Variants in SFT2D2 observed in about 807,000 individuals in gnomAD.
The protein encoded by SFT2D2 is SFT2 domain containing 2.
Under a neutral mutation model 27.4 loss-of-function variants are expected in SFT2D2, and 21 were observed. The ratio of observed to expected loss-of-function variants is 0.77; its 90% CI spans 0.54 to 1.10. The LOEUF (loss-of-function observed/expected upper bound fraction) is 1.10, where lower values mean the gene tolerates loss of function less well. Ranked by LOEUF, SFT2D2 falls within the 50% of genes least tolerant of loss-of-function variation. The pLI, the probability that SFT2D2 is intolerant of heterozygous loss-of-function variation, is 0.00. For missense variants in SFT2D2, 187 were observed against 194.2 expected (o/e 0.96, Z 0.22); for synonymous variants, 72 against 71.7 (o/e 1.00, Z -0.02).
At chr1:168,233,116 G>A (rs2102329511) in intron 3 of SFT2D2, among the ~76,000 whole-genome samples, 1 of 152,274 alleles carries the variant, frequency 6.6e-6, no homozygotes, top group Non-Finnish European at 1.5e-5. Flanking sequence ...TGGCTTCACC[G>A]TTGTCCCATT....
rs1303291555 is a variant in SFT2D2 at position 168,249,390 on chromosome 1, C to T, written c.*6850C>T. On this transcript the variant is annotated 3_prime_UTR_variant, in exon 8 of 8. Transcript: ENST00000271375. ...AACTGGGACTACAGGCATGTGCCACCACACCCGGCTAATTTTTGTATTTTT... is the reference window on the plus strand; with the variant it reads ...AACTGGGACTACAGGCATGTGCCACTACACCCGGCTAATTTTTGTATTTTT... 1 of 152,246 alleles carries T rather than the reference C, an allele frequency of 6.6e-6. No homozygotes were observed. Among genetic ancestry groups the T allele is most frequent in the African/African-American group, 2.4e-5 (1 of 41,436 alleles). 9.4% of individuals were successfully genotyped at this position (152,246 alleles called of 1,614,324 possible).
At position 168,247,004 on chromosome 1, in the gene SFT2D2, A is replaced by G; in HGVS notation, c.*4464A>G. ...TATGCAACAGGTCTTCTTCTTTTTC[A>G]TGACTATCAGAAATCTCAAACTGCA... is the stretch of plus-strand genomic sequence containing the variant. On this transcript the variant is annotated 3_prime_UTR_variant, in exon 8 of 8. Transcript: ENST00000271375. 1.9e-6 allele frequency: 1 copy of G among 528,530 alleles called. No individual in the cohort carries two copies. The highest frequency in any genetic ancestry group is 3.6e-6 in the Non-Finnish European group (1 of 276,146). The allele number at this position is 528,530 out of a possible 1,614,324, so 32.7% of individuals were successfully genotyped here.
chr1:168,227,067 A>C (rs1200281614), intron 1 of SFT2D2, among the ~76,000 whole-genome samples: 1 of 151,946 alleles, frequency 6.6e-6, no homozygotes, highest in African/African-American at 2.4e-5. Flanking sequence ...TGATCCGCCC[A>C]CCTCTGCCTC....
rs773304727 is a variant in SFT2D2 at position 168,239,138 on chromosome 1, C to G, written c.421C>G (p.Leu141Val). 6.2e-7 allele frequency: 1 copy of G among 1,607,384 alleles called. No individual in the cohort carries two copies. The highest frequency in any genetic ancestry group is 8.5e-7 in the Non-Finnish European group (1 of 1,173,894). ...TTTTGTTTTTCATTATAGGTACAGC[C>G]TTTCCTTCATACCATTTGCAAGGTA... ...LQSLALTWYS[L>V]SFIPFARDAV... Residue 141 changes from leucine to valine, a missense_variant, in exon 7 of 8, where the codon CTT becomes GTT. Coordinates refer to ENST00000271375, the MANE Select transcript of SFT2D2 (RefSeq NM_199344.3).
chr1:168,229,851 A>G (rs539517131), intron 1 of SFT2D2: 5 of 152,246 alleles, frequency 3.3e-5, no homozygotes, highest in Admixed American at 6.5e-5. Flanking sequence ...CTACCAGAGC[A>G]TCATCACATG....
chr1:168,226,780 A>G (rs1700465251), intron 1 of SFT2D2, among the ~76,000 whole-genome samples: 1 of 152,170 alleles, frequency 6.6e-6, no homozygotes, highest in African/African-American at 2.4e-5. Flanking sequence ...CCAGCGCCTC[A>G]GGAGACTGCC....
rs1647702697 is a variant in SFT2D2, at chr1:168,243,286, A to AGCG, written c.*748_*749insGGC. 1 of 132,446 alleles carries AGCG rather than the reference A, an allele frequency of 7.6e-6. No homozygotes were observed. Among genetic ancestry groups the AGCG allele is most frequent in the Non-Finnish European group, 1.7e-5 (1 of 58,376 alleles). The allele number at this position is 132,446 out of a possible 1,614,324, so 8.2% of individuals were successfully genotyped here. A position where few individuals can be genotyped will look rare whatever the true frequency, so the allele number is the denominator to read the frequency against. On this transcript the variant is annotated 3_prime_UTR_variant, in exon 8 of 8. Transcript: ENST00000271375. ...CTAGATGGGGAAAGAACAGAGCAGCAGCAGAAAATGCTGCTGTTTTTTTTT... is the reference window on the plus strand; with the variant it reads ...CTAGATGGGGAAAGAACAGAGCAGCAGCGGCAGAAAATGCTGCTGTTTTTTTTT...
intron 4 of SFT2D2, 27 bp from the exon 5 acceptor site, chr1:168,236,562 T>C (rs769250963): frequency 6.2e-7 from 1 of 1,604,880 alleles, no homozygotes; most frequent in Non-Finnish European, 8.5e-7. Context: ...TTATTGTCAT[T>C]AATTAATGTT....
At chr1:168,235,223 T>C in intron 4 of SFT2D2, 41 bp downstream of exon 4, 1 of 1,565,276 alleles carries the variant, frequency 6.4e-7, no homozygotes, top group Non-Finnish European at 8.8e-7. Context: ...GATGGGAGTT[T>C]TTATTTCTAT....
intron 3 of SFT2D2, among the ~76,000 whole-genome samples, chr1:168,234,262 C>T (rs1003436603): frequency 2.6e-5 from 4 of 151,966 alleles, no homozygotes; most frequent in Non-Finnish European, 4.4e-5. Context: ...GGTGTGGTGG[C>T]GTGTGCCTGT....
Position 168,246,064 on chromosome 1 carries a change from A to G in SFT2D2, c.*3524A>G. On this transcript the variant is annotated 3_prime_UTR_variant, in exon 8 of 8. Coordinates refer to ENST00000271375, the MANE Select transcript of SFT2D2 (RefSeq NM_199344.3). ...GCATCCAGCAAAGCTTTTGTTGTTG[A>G]TTGTTTAGGACGTCACCCTGTTTTT... 1 of 225,388 alleles carries G rather than the reference A, an allele frequency of 4.4e-6. No homozygotes were observed. Among genetic ancestry groups the G allele is most frequent in the Non-Finnish European group, 8.9e-6 (1 of 112,666 alleles). 14.0% of individuals were successfully genotyped at this position (225,388 alleles called of 1,614,324 possible).
chr1:168,233,787 T>A (rs1056143387), intron 3 of SFT2D2, among the ~76,000 whole-genome samples: 13 of 152,188 alleles, frequency 8.5e-5, no homozygotes, highest in African/African-American at 3.1e-4. Flanking sequence ...AGGGAAATAA[T>A]AAAGGGAGCA....
intron 6 of SFT2D2, among the ~76,000 whole-genome samples, chr1:168,238,744 C>T: frequency 6.6e-6 from 1 of 151,858 alleles, no homozygotes; most frequent in East Asian, 1.9e-4. Flanking sequence ...TGCGGTTCAA[C>T]TGTTCTGGGT....
intron 3 of SFT2D2, among the ~76,000 whole-genome samples, chr1:168,232,198 C>T (rs1033741057): frequency 6.6e-6 from 1 of 152,182 alleles, no homozygotes; most frequent in Non-Finnish European, 1.5e-5. Context: ...GTTTACAACC[C>T]AGTCCTCCTG....
At chr1:168,232,853 T>C (rs1367968751) in intron 3 of SFT2D2, among the ~76,000 whole-genome samples, 2 of 152,148 alleles carry the variant, frequency 1.3e-5, no homozygotes, top group Non-Finnish European at 2.9e-5. Flanking sequence ...ACGACCTGAG[T>C]CAGGGAGGGC....
chr1:168,249,035 A>G lies in SFT2D2; in HGVS notation c.*6495A>G, dbSNP rs1647893190. ...TCTATTTTGTTGATCTTTTCAAAAA[A>G]CCAGCTCCTGGATTCATTGTTTTTT... On this transcript the variant is annotated 3_prime_UTR_variant, in exon 8 of 8. Transcript: ENST00000271375. 1 of 149,968 alleles carries G rather than the reference A, an allele frequency of 6.7e-6. No individual in the cohort carries two copies. The highest frequency in any genetic ancestry group is 2.2e-4 in the South Asian group (1 of 4,622). 9.3% of individuals were successfully genotyped at this position (149,968 alleles called of 1,614,324 possible).
chr1:168,230,548 A>G (rs1050883018), intron 1 of SFT2D2, among the ~76,000 whole-genome samples: 4 of 152,042 alleles, frequency 2.6e-5, no homozygotes, highest in Non-Finnish European at 5.9e-5. Context: ...ATCTCGGCTC[A>G]CTGCAACCTC....
chr1:168,231,988 A>C (rs1376281097), intron 3 of SFT2D2, 69 bp downstream of exon 3: 1 of 1,367,230 alleles, frequency 7.3e-7, no homozygotes, highest in African/African-American at 1.4e-5. Flanking sequence ...GTTGCCCTTG[A>C]GGGAGGTGAA....
chr1:168,239,754 A>G (rs540237309), intron 7 of SFT2D2, among the ~76,000 whole-genome samples: 2 of 151,772 alleles, frequency 1.3e-5, no homozygotes, highest in East Asian at 1.9e-4. Context: ...AAGCACTTTC[A>G]GTGACGGACC....
Sources: gnomAD v4.1 joint callset for allele counts (sites outside exome capture counted in the v4.1 genomes callset) on GRCh38, gnomAD v4.1.1 for gene constraint, MANE v1.5 for transcripts, NCBI Gene and HGNC (gene_info 2026-07-23, HGNC 2026-07-21) for gene names.